The following GALNTL6 variants were observed in gnomAD, a reference collection of about 807,000 sequenced individuals.
GALNTL6 encodes the protein polypeptide N-acetylgalactosaminyltransferase like 6, also known as polypeptide N-acetylgalactosaminyltransferase-like 6.
GALNTL6 carries 46 observed loss-of-function variants against 73.7 expected under a neutral mutation model. The observed-to-expected ratio is 0.62, with a 90% CI of 0.49 to 0.80. GALNTL6 has a LOEUF of 0.80. GALNTL6 is among the 30% of genes least tolerant of loss of function. The pLI, the probability that GALNTL6 is intolerant of heterozygous loss-of-function variation, is 0.00. For synonymous variants in GALNTL6, 259 were observed against 263.7 expected (o/e 0.98, Z 0.17); for missense variants, 604 against 755.0 (o/e 0.80, Z 2.34).
chr4:172,596,939 A>T (rs1031077803), intron 5 of GALNTL6, among the ~76,000 whole-genome samples: 3 of 152,192 alleles, frequency 2.0e-5, no homozygotes, highest in Admixed American at 6.5e-5. Context: ...AAGGATTTTA[A>T]AATCAGGCAT....
intron 4 of GALNTL6, among the ~76,000 whole-genome samples, chr4:172,314,349 A>G (rs192910792): frequency 5.5e-4 from 84 of 152,246 alleles, no homozygotes; most frequent in Admixed American, 2.5e-3. Flanking sequence ...GGATTTTGCA[A>G]TGGAAGATAT....
At chr4:172,861,318 C>CGTGTGT (rs772337885) in intron 7 of GALNTL6, among the ~76,000 whole-genome samples, 6,202 of 140,770 alleles carry the variant, frequency 0.044, 314 homozygotes, top group Admixed American at 0.11. Context: ...TTTTTGCTTA[C>CGTGTGT]ATGTGTGTGT....
chr4:171,937,055 G>A (rs1025497211), intron 2 of GALNTL6, among the ~76,000 whole-genome samples: 2 of 152,128 alleles, frequency 1.3e-5, no homozygotes, highest in Admixed American at 6.5e-5. Context: ...TAGCTGTGGA[G>A]TAAGAAATTC....
intron 5 of GALNTL6, among the ~76,000 whole-genome samples, chr4:172,745,618 C>T (rs1269303654): frequency 6.6e-6 from 1 of 151,832 alleles, no homozygotes; most frequent in Non-Finnish European, 1.5e-5. Context: ...TAAGGTGAGA[C>T]ATTACAGTGA....
chr4:172,099,422 G>A (rs1732449321), intron 2 of GALNTL6, among the ~76,000 whole-genome samples: 1 of 152,112 alleles, frequency 6.6e-6, no homozygotes, highest in African/African-American at 2.4e-5. Context: ...CCGCCATTTA[G>A]TCCATCCTTA....
intron 3 of GALNTL6, among the ~76,000 whole-genome samples, chr4:172,276,201 C>G (rs757677432): frequency 2.6e-4 from 39 of 152,128 alleles, no homozygotes; most frequent in Non-Finnish European, 5.0e-4. Flanking sequence ...AGATTTTTAT[C>G]TCCGAAGAAG....
At chr4:172,244,395 A>G (rs1394402308) in intron 3 of GALNTL6, among the ~76,000 whole-genome samples, 2 of 152,138 alleles carry the variant, frequency 1.3e-5, no homozygotes, top group Non-Finnish European at 2.9e-5. Flanking sequence ...TTAAACTGCA[A>G]TCAGTTTATA....
At chr4:171,934,272 A>G (rs1379327676) in intron 2 of GALNTL6, among the ~76,000 whole-genome samples, 1 of 152,234 alleles carries the variant, frequency 6.6e-6, no homozygotes, top group Non-Finnish European at 1.5e-5. Flanking sequence ...GGACATTTCA[A>G]GAACAATACT....
At chr4:171,941,668 T>C (rs1442076127) in intron 2 of GALNTL6, among the ~76,000 whole-genome samples, 2 of 152,016 alleles carry the variant, frequency 1.3e-5, no homozygotes, top group African/African-American at 4.8e-5. Context: ...TTTTCCTACC[T>C]TTGAAAAAGG....
At chr4:172,321,004 T>C (rs1475359736) in intron 4 of GALNTL6, among the ~76,000 whole-genome samples, 1 of 152,330 alleles carries the variant, frequency 6.6e-6, no homozygotes, top group African/African-American at 2.4e-5. Context: ...GTGAGGACAG[T>C]ACAATAAAAT....
chr4:172,099,795 T>C (rs549221194), intron 2 of GALNTL6, among the ~76,000 whole-genome samples: 6 of 152,258 alleles, frequency 3.9e-5, no homozygotes, highest in Admixed American at 3.9e-4. Context: ...TAGAACACGA[T>C]ACTTAAATAT....
intron 2 of GALNTL6, among the ~76,000 whole-genome samples, chr4:172,049,573 A>G (rs1479374570): frequency 3.3e-5 from 5 of 152,196 alleles, no homozygotes; most frequent in Non-Finnish European, 7.3e-5. Context: ...GCCAGCTACA[A>G]TATCACGGGT....
At chr4:172,426,288 C>A (rs1195302715) in intron 5 of GALNTL6, among the ~76,000 whole-genome samples, 1 of 151,954 alleles carries the variant, frequency 6.6e-6, no homozygotes, top group Non-Finnish European at 1.5e-5. Context: ...GATAACACCA[C>A]AATTAATTGT....
intron 5 of GALNTL6, among the ~76,000 whole-genome samples, chr4:172,586,018 G>C (rs1357366621): frequency 2.0e-5 from 3 of 152,182 alleles, no homozygotes; most frequent in African/African-American, 7.2e-5. Flanking sequence ...AATAGATGCT[G>C]GTGAGGCTAT....
intron 5 of GALNTL6, among the ~76,000 whole-genome samples, chr4:172,392,495 C>T (rs1743701812): frequency 6.7e-6 from 1 of 149,012 alleles, no homozygotes; most frequent in Non-Finnish European, 1.5e-5. Context: ...AGCAGTCTCG[C>T]TCTGTGGCCT....
chr4:172,918,295 G>T (rs1277660875), intron 8 of GALNTL6, among the ~76,000 whole-genome samples: 1 of 151,932 alleles, frequency 6.6e-6, no homozygotes, highest in Non-Finnish European at 1.5e-5. Context: ...TAAATGATGA[G>T]TTAATGGGTG....
At chr4:172,922,211 G>A (rs1343038690) in intron 8 of GALNTL6, among the ~76,000 whole-genome samples, 1 of 152,166 alleles carries the variant, frequency 6.6e-6, no homozygotes, top group African/African-American at 2.4e-5. Context: ...CCCCTGCCAT[G>A]TGGAACTGTA....
At chr4:172,534,869 A>G (rs1735291268) in intron 5 of GALNTL6, among the ~76,000 whole-genome samples, 1 of 152,168 alleles carries the variant, frequency 6.6e-6, no homozygotes, top group African/African-American at 2.4e-5. Flanking sequence ...CCTGGCCTCT[A>G]AATGACAGAT....
chr4:171,845,564 A>G (rs984514314), intron 2 of GALNTL6, among the ~76,000 whole-genome samples: 4 of 152,184 alleles, frequency 2.6e-5, no homozygotes, highest in Non-Finnish European at 4.4e-5. Context: ...GAACGTGAGC[A>G]TAAGTCATAT....
Sources: allele counts gnomAD v4.1 joint callset (sites outside exome capture counted in the v4.1 genomes callset), GRCh38; gene constraint gnomAD v4.1.1; transcripts MANE v1.5; gene names NCBI Gene and HGNC (gene_info 2026-07-23, HGNC 2026-07-21).